EDIL3: variants seen among roughly 807,000 people sequenced by gnomAD.
EDIL3 encodes the protein EGF-like repeat and discoidin I-like domain-containing protein 3.
EDIL3 carries 37 observed loss-of-function variants against 67.4 expected under a neutral mutation model. That is an observed-to-expected ratio of 0.55 (90% CI 0.42 to 0.72). The LOEUF (loss-of-function observed/expected upper bound fraction) is 0.72. Ranked by LOEUF, EDIL3 falls within the 30% of genes least tolerant of loss-of-function variation. The pLI, the probability that EDIL3 is intolerant of heterozygous loss-of-function variation, is 0.00. For synonymous variants in EDIL3, 195 were observed against 196.3 expected, an observed-to-expected ratio of 0.99 and a Z score of 0.05; for missense variants, 527 against 586.3, an observed-to-expected ratio of 0.90 and a Z score of 1.04.
intron 2 of EDIL3, among the ~76,000 whole-genome samples, chr5:84,241,295 C>T (rs1744788721): frequency 6.6e-6 from 1 of 152,090 alleles, no homozygotes; most frequent in Admixed American, 6.5e-5. Flanking sequence ...TCTTTTTTCC[C>T]TATGATTCTA....
intron 9 of EDIL3, among the ~76,000 whole-genome samples, chr5:84,053,989 G>A (rs1382141709): frequency 6.6e-6 from 1 of 152,096 alleles, no homozygotes; most frequent in Non-Finnish European, 1.5e-5. Flanking sequence ...ACCAAAGCCT[G>A]GCAGAGACAC....
At chr5:84,260,372 G>C (rs1218666218) in intron 1 of EDIL3, among the ~76,000 whole-genome samples, 1 of 152,154 alleles carries the variant, frequency 6.6e-6, no homozygotes, top group African/African-American at 2.4e-5. Context: ...GTAAGACAGA[G>C]ATGATTTCAG....
At chr5:83,946,684 A>G (rs1289867599) in intron 10 of EDIL3, among the ~76,000 whole-genome samples, 1 of 151,892 alleles carries the variant, frequency 6.6e-6, no homozygotes, top group African/African-American at 2.4e-5. Context: ...TCAGGCCGGT[A>G]TAGACATCAA....
intron 3 of EDIL3, among the ~76,000 whole-genome samples, chr5:84,202,610 C>G (rs938718983): frequency 1.3e-5 from 2 of 152,042 alleles, no homozygotes; most frequent in Non-Finnish European, 2.9e-5. Flanking sequence ...TGTTTTATAC[C>G]TGGCAGATAA....
chr5:84,121,257 T>C (rs1747769449), intron 5 of EDIL3, among the ~76,000 whole-genome samples: 1 of 152,038 alleles, frequency 6.6e-6, no homozygotes, highest in South Asian at 2.1e-4. Flanking sequence ...CAGAAGCTTC[T>C]ATCTGGAAAA....
At chr5:84,222,131 G>C (rs554108798) in intron 3 of EDIL3, among the ~76,000 whole-genome samples, 1 of 151,846 alleles carries the variant, frequency 6.6e-6, no homozygotes, top group South Asian at 2.1e-4. Context: ...ACCATAAACA[G>C]AAATGATGTT....
At chr5:84,063,929 A>G (rs1315151964) in intron 8 of EDIL3, among the ~76,000 whole-genome samples, 2 of 152,174 alleles carry the variant, frequency 1.3e-5, no homozygotes, top group African/African-American at 4.8e-5. Flanking sequence ...ACTACCAAAA[A>G]TATAACAAGT....
chr5:84,208,713 A>AT (rs1308521028), intron 3 of EDIL3, among the ~76,000 whole-genome samples: 3 of 138,944 alleles, frequency 2.2e-5, no homozygotes, highest in Middle Eastern at 8.0e-3. Context: ...AAAAAAAAAA[A>AT]GTCAGGAAAC....
intron 5 of EDIL3, among the ~76,000 whole-genome samples, chr5:84,124,509 G>A (rs1017518712): frequency 1.3e-5 from 2 of 151,786 alleles, no homozygotes; most frequent in Admixed American, 6.6e-5. Flanking sequence ...AAACTCTATC[G>A]GAGATGCTAT....
chr5:84,309,909 A>T (rs1027201091), intron 1 of EDIL3, among the ~76,000 whole-genome samples: 2 of 152,160 alleles, frequency 1.3e-5, no homozygotes, highest in Non-Finnish European at 2.9e-5. Context: ...TCCCTGAAGA[A>T]TTGCCACACT....
intron 1 of EDIL3, among the ~76,000 whole-genome samples, chr5:84,334,753 C>A (rs1258897921): frequency 6.6e-6 from 1 of 151,972 alleles, no homozygotes. Context: ...ATATTATTTT[C>A]TTCTATCTTC....
At chr5:84,150,036 C>T (rs528067634) in intron 4 of EDIL3, among the ~76,000 whole-genome samples, 3 of 152,040 alleles carry the variant, frequency 2.0e-5, no homozygotes, top group East Asian at 3.9e-4. Context: ...GATTATAGCC[C>T]AAATTTTCCA....
intron 1 of EDIL3, among the ~76,000 whole-genome samples, chr5:84,300,281 G>A (rs917243911): frequency 6.6e-6 from 1 of 152,098 alleles, no homozygotes; most frequent in Non-Finnish European, 1.5e-5. Context: ...CCTCTCCTCT[G>A]AATTGAATTC....
intron 9 of EDIL3, among the ~76,000 whole-genome samples, chr5:84,055,360 A>G (rs1252054102): frequency 6.8e-6 from 1 of 146,652 alleles, no homozygotes; most frequent in East Asian, 2.0e-4. Flanking sequence ...AAACCCGAGA[A>G]GAAAACCTAG....
intron 1 of EDIL3, among the ~76,000 whole-genome samples, chr5:84,330,754 C>A (rs919242982): frequency 5.3e-5 from 8 of 152,076 alleles, no homozygotes; most frequent in African/African-American, 1.7e-4. Context: ...AACTCACCAC[C>A]CTGGAAAGCA....
At chr5:84,349,713 T>C (rs1030489108) in intron 1 of EDIL3, among the ~76,000 whole-genome samples, 1 of 152,164 alleles carries the variant, frequency 6.6e-6, no homozygotes, top group Non-Finnish European at 1.5e-5. Context: ...CACTCTTCCA[T>C]GTCAGTAAAT....
chr5:84,351,328 A>G (rs902216715), intron 1 of EDIL3, among the ~76,000 whole-genome samples: 3 of 152,094 alleles, frequency 2.0e-5, no homozygotes, highest in African/African-American at 7.2e-5. Flanking sequence ...GCATTCTTTT[A>G]AGACCTCTCA....
chr5:84,137,597 C>T lies in EDIL3; in HGVS notation c.356-243G>A, dbSNP rs759368647. ...ACGAAAGGCCAATGGAACTAAACCACTCTCCCATTCTGAAAATAAATATGA... is the reference window on the plus strand; with the variant it reads ...ACGAAAGGCCAATGGAACTAAACCATTCTCCCATTCTGAAAATAAATATGA... On this transcript the variant is annotated intron_variant, in intron 4 of 10. Transcript: ENST00000296591. Among the ~76,000 whole-genome samples the T allele has an allele frequency of 3.3e-5, 5 of 152,266 alleles. No homozygotes were observed. The South Asian group carries it at 6.2e-4, about 19-fold the overall frequency.
At chr5:84,035,298 C>G (rs1746002521) in intron 9 of EDIL3, among the ~76,000 whole-genome samples, 1 of 152,118 alleles carries the variant, frequency 6.6e-6, no homozygotes, top group Admixed American at 6.6e-5. Context: ...TCAGTTTTCT[C>G]ATGGTAGGAT....
Sources: allele counts gnomAD v4.1 joint callset (sites outside exome capture counted in the v4.1 genomes callset), GRCh38; gene constraint gnomAD v4.1.1; transcripts MANE v1.5; gene names NCBI Gene and HGNC (gene_info 2026-07-23, HGNC 2026-07-21).